Variants in CNIH1 observed in about 807,000 individuals in gnomAD.
The protein encoded by CNIH1 is protein cornichon homolog 1.
A neutral mutation model predicts 20.2 loss-of-function variants in CNIH1; 12 were observed. The observed-to-expected ratio is 0.59, with a 90% CI of 0.38 to 0.96. The LOEUF (loss-of-function observed/expected upper bound fraction) is 0.96. Ranked by LOEUF, CNIH1 falls within the 40% of genes least tolerant of loss-of-function variation. CNIH1 has a pLI of 0.00. For synonymous variants in CNIH1, 69 were observed against 63.3 expected, an observed-to-expected ratio of 1.09 and a Z score of -0.43; for missense variants, 152 against 178.8, an observed-to-expected ratio of 0.85 and a Z score of 0.85.
rs914737610 is a variant in CNIH1 at position 54,429,798 on chromosome 14, G to A, written c.407+463C>T. On this transcript the variant is annotated intron_variant, in intron 4 of 4. Transcript: ENST00000216416. ...ATCGGAAACTGCACCACCCTGTAAG[G>A]TAGAACTACTTCTTTCATTCATACC... Among the ~76,000 whole-genome samples the A allele has an allele frequency of 2.6e-5, 4 of 152,082 alleles. No homozygotes were observed. The South Asian group carries it at 8.3e-4, about 32-fold the overall frequency.
At chr14:54,428,507 T>C (rs1324377019) in intron 4 of CNIH1, among the ~76,000 whole-genome samples, 1 of 151,918 alleles carries the variant, frequency 6.6e-6, no homozygotes, top group Non-Finnish European at 1.5e-5. Context: ...TACAAAGGAG[T>C]TGAACAAGCT....
chr14:54,433,622 T>C (rs2030991867), intron 2 of CNIH1, among the ~76,000 whole-genome samples: 1 of 152,188 alleles, frequency 6.6e-6, no homozygotes, highest in African/African-American at 2.4e-5. Flanking sequence ...ATATACATTT[T>C]ATTAAGAATT....
chr14:54,431,536 G>A (rs1406629997), intron 3 of CNIH1, among the ~76,000 whole-genome samples: 1 of 152,158 alleles, frequency 6.6e-6, no homozygotes, highest in Non-Finnish European at 1.5e-5. Flanking sequence ...ATAAGGTTTT[G>A]ACATGCCTAT....
Position 54,427,790 on chromosome 14 carries a change from G to A in CNIH1, c.*24C>T. 1.9e-6 allele frequency: 3 copies of A among 1,613,010 alleles called. No homozygotes were observed. Among genetic ancestry groups the A allele is most frequent in the Non-Finnish European group, 2.5e-6 (3 of 1,179,556 alleles). On this transcript the variant is annotated 3_prime_UTR_variant, in exon 5 of 5. Coordinates refer to ENST00000216416, the MANE Select transcript of CNIH1 (RefSeq NM_005776.3). ...GGTGGCTTTTTGCATGCACTTAACTGGACCAATTCTTCTGTGTGTTGTTCT... is the reference window on the plus strand; with the variant it reads ...GGTGGCTTTTTGCATGCACTTAACTAGACCAATTCTTCTGTGTGTTGTTCT...
chr14:54,432,541 A>C (rs2030970410), intron 2 of CNIH1, among the ~76,000 whole-genome samples: 2 of 152,226 alleles, frequency 1.3e-5, no homozygotes, highest in African/African-American at 4.8e-5. Context: ...AGTCAACTAG[A>C]ATACTTTTTC....
intron 1 of CNIH1, chr14:54,436,787 T>A (rs2140005800): frequency 2.6e-6 from 1 of 382,576 alleles, no homozygotes. Context: ...CTCTTTATCC[T>A]AAAAAAAAAA....
chr14:54,440,223 TA>T (rs1476063199), intron 1 of CNIH1, among the ~76,000 whole-genome samples: 4 of 152,204 alleles, frequency 2.6e-5, no homozygotes, highest in African/African-American at 4.8e-5. Flanking sequence ...AAACCTGACT[TA>T]AAATCTACGT....
chr14:54,429,346 C>T (rs1026597702), intron 4 of CNIH1, among the ~76,000 whole-genome samples: 1 of 152,164 alleles, frequency 6.6e-6, no homozygotes, highest in African/African-American at 2.4e-5. Context: ...TGCTGCTGAA[C>T]GTCCCATGAT....
At chr14:54,434,132 TA>T (rs1184760302) in intron 2 of CNIH1, among the ~76,000 whole-genome samples, 3 of 152,212 alleles carry the variant, frequency 2.0e-5, no homozygotes, top group Admixed American at 6.5e-5. Flanking sequence ...GTTCACAATT[TA>T]AAAAATAGTG....
chr14:54,431,677 T>C (rs1430600917), intron 3 of CNIH1, among the ~76,000 whole-genome samples: 2 of 152,208 alleles, frequency 1.3e-5, no homozygotes, highest in Admixed American at 6.5e-5. Flanking sequence ...ACATTTTGAC[T>C]TACCTGAAGT....
rs1307003484 is a variant in CNIH1 at position 54,441,268 on chromosome 14, G to A, written c.60C>T (p.Leu20=). 4.0e-6 allele frequency: 6 copies of A among 1,518,574 alleles called. No individual in the cohort carries two copies. The highest frequency in any genetic ancestry group is 4.2e-5 in the Admixed American group (2 of 47,962). 94.1% of individuals were successfully genotyped at this position (1,518,574 alleles called of 1,614,324 possible). A position where few individuals can be genotyped will look rare whatever the true frequency, so the allele number is the denominator to read the frequency against. The part of the protein sequence containing the change: ...YMLALLLTAA[L]IFFAIWHIIA... ...TCACGTGCCAAATGGCGAAGAAGAT[G>A]AGCGCGGCAGTGAGCAGCAGCGCCA... Residue 20 remains leucine, a synonymous_variant, in exon 1 of 5, where the codon CTC becomes CTT. Transcript: ENST00000216416.
At chr14:54,428,619 ATTCAT>A (rs1341022568) in intron 4 of CNIH1, among the ~76,000 whole-genome samples, 2 of 152,214 alleles carry the variant, frequency 1.3e-5, no homozygotes, top group African/African-American at 4.8e-5. Flanking sequence ...TTATTCAATC[ATTCAT>A]TTCATTTCTT....
At chr14:54,428,105 A>T (rs774906612) in intron 4 of CNIH1, among the ~76,000 whole-genome samples, 1 of 152,172 alleles carries the variant, frequency 6.6e-6, no homozygotes. Flanking sequence ...GGCGGATCAG[A>T]GCTTAGAGAA....
At chr14:54,439,266 C>A (rs1458814588) in intron 1 of CNIH1, among the ~76,000 whole-genome samples, 1 of 152,116 alleles carries the variant, frequency 6.6e-6, no homozygotes, top group African/African-American at 2.4e-5. Flanking sequence ...CATAAAAGCT[C>A]TCCACGAATC....
chr14:54,436,125 G>T (rs1345857925), intron 2 of CNIH1: 1 of 702,972 alleles, frequency 1.4e-6, no homozygotes, highest in South Asian at 1.5e-5. Flanking sequence ...CTTTTCAACT[G>T]TCTTTGGCCG....
chr14:54,440,760 C>A (rs1464464283), intron 1 of CNIH1, among the ~76,000 whole-genome samples: 1 of 152,224 alleles, frequency 6.6e-6, no homozygotes, highest in African/African-American at 2.4e-5. Context: ...CGAACAAGTG[C>A]TGAAAAGTAG....
chr14:54,429,717 G>A (rs1018791745), intron 4 of CNIH1, among the ~76,000 whole-genome samples: 61 of 152,000 alleles, frequency 4.0e-4, no homozygotes, highest in Admixed American at 1.8e-3. Flanking sequence ...CAGAGATCGC[G>A]CCACTGCACT....
intron 1 of CNIH1, chr14:54,436,672 T>C: frequency 1.8e-6 from 1 of 554,400 alleles, no homozygotes; most frequent in Non-Finnish European, 3.2e-6. Context: ...ATAAATACCT[T>C]CAATTTTCAA....
chr14:54,431,457 C>T (rs1480706663), intron 3 of CNIH1, among the ~76,000 whole-genome samples: 1 of 152,056 alleles, frequency 6.6e-6, no homozygotes, highest in Non-Finnish European at 1.5e-5. Flanking sequence ...ATTTCAAAGT[C>T]CATTGTAGAC....
Sources: gnomAD v4.1 joint callset for allele counts (sites outside exome capture counted in the v4.1 genomes callset) on GRCh38, gnomAD v4.1.1 for gene constraint, MANE v1.5 for transcripts, NCBI Gene and HGNC (gene_info 2026-07-23, HGNC 2026-07-21) for gene names.